The following FANCC variants were observed in gnomAD, a reference collection of about 807,000 sequenced individuals.
The protein encoded by FANCC is Fanconi anemia group C protein.
A neutral mutation model predicts 71.3 loss-of-function variants in FANCC; 55 were observed. The observed-to-expected ratio is 0.77, with a 90% confidence interval of 0.62 to 0.97. The LOEUF is 0.97. Among genes scored for constraint, FANCC ranks in the 50% least tolerant of loss-of-function variants. The probability of loss-of-function intolerance (pLI) is 0.00; values close to 1 mark genes in which losing one functional copy is unlikely to be tolerated. For missense variants in FANCC, 678 were observed against 670.9 expected (o/e 1.01, Z -0.12); for synonymous variants, 275 against 244.9 (o/e 1.12, Z -1.15).
intron 4 of FANCC, among the ~76,000 whole-genome samples, chr9:95,225,702 ATACAAT>A: frequency 6.6e-6 from 1 of 152,366 alleles, no homozygotes; most frequent in Admixed American, 6.5e-5. Flanking sequence ...AAACAATCTG[ATACAAT>A]TAGAATTATA....
intron 1 of FANCC, among the ~76,000 whole-genome samples, chr9:95,254,494 C>T (rs1434481392): frequency 6.6e-6 from 1 of 152,220 alleles, no homozygotes; most frequent in Non-Finnish European, 1.5e-5. Context: ...ACTCCCTCCC[C>T]TAACCAAGGG....
intron 3 of FANCC, among the ~76,000 whole-genome samples, chr9:95,244,293 T>G (rs1441176324): frequency 6.6e-6 from 1 of 152,232 alleles, no homozygotes; most frequent in African/African-American, 2.4e-5. Context: ...TGAGTCAGGC[T>G]GACCTGCTTA....
intron 11 of FANCC, among the ~76,000 whole-genome samples, chr9:95,115,307 C>T (rs1038331893): frequency 1.3e-5 from 2 of 152,188 alleles, no homozygotes; most frequent in African/African-American, 4.8e-5. Flanking sequence ...CCCGCTGAGA[C>T]TGGGAAATGC....
intron 4 of FANCC, among the ~76,000 whole-genome samples, chr9:95,205,034 A>G (rs1354378069): frequency 6.6e-6 from 1 of 152,238 alleles, no homozygotes; most frequent in Non-Finnish European, 1.5e-5. Context: ...TCACAAATGA[A>G]AATGACTAAA....
At chr9:95,160,884 C>G (rs7034939) in intron 6 of FANCC, among the ~76,000 whole-genome samples, 3,312 of 152,182 alleles carry the variant, frequency 0.022, 121 homozygotes, top group African/African-American at 0.076. Context: ...ATTTTGTATC[C>G]TGAGACTTTG....
chr9:95,305,164 A>G (rs1347280849), intron 1 of FANCC, among the ~76,000 whole-genome samples: 1 of 152,236 alleles, frequency 6.6e-6, no homozygotes, highest in Non-Finnish European at 1.5e-5. Context: ...TGCAATTACC[A>G]ATAAACAAGC....
chr9:95,122,661 G>A (rs1293009954), intron 10 of FANCC, among the ~76,000 whole-genome samples: 2 of 152,138 alleles, frequency 1.3e-5, no homozygotes, highest in African/African-American at 4.8e-5. Flanking sequence ...AATCCATAGT[G>A]CCCACGGCCA....
chr9:95,126,429 C>T, intron 9 of FANCC, 100 bp downstream of exon 9: 1 of 1,172,896 alleles, frequency 8.5e-7, no homozygotes, highest in East Asian at 2.5e-5. Flanking sequence ...CTCTAATTTC[C>T]CCATGATACA....
chr9:95,293,401 G>A, intron 1 of FANCC: 1 of 1,579,576 alleles, frequency 6.3e-7, no homozygotes, highest in Admixed American at 1.9e-5. Context: ...CTGATCCTCG[G>A]CCTAGATTCA....
intron 4 of FANCC, among the ~76,000 whole-genome samples, chr9:95,228,148 C>A (rs900180314): frequency 6.6e-6 from 1 of 152,074 alleles, no homozygotes; most frequent in African/African-American, 2.4e-5. Flanking sequence ...AGTAGGCACT[C>A]AGGATACAAT....
intron 4 of FANCC, among the ~76,000 whole-genome samples, chr9:95,240,326 A>G (rs1830563817): frequency 6.6e-6 from 1 of 152,252 alleles, no homozygotes; most frequent in Non-Finnish European, 1.5e-5. Flanking sequence ...TTGATAGGGA[A>G]AAACAATTTT....
intron 1 of FANCC, among the ~76,000 whole-genome samples, chr9:95,250,675 TATC>T (rs2136108630): frequency 6.6e-6 from 1 of 152,324 alleles, no homozygotes; most frequent in African/African-American, 2.4e-5. Flanking sequence ...TCATCCAAGC[TATC>T]ATCACCACCT....
chr9:95,245,026 C>T (rs1412805238), intron 3 of FANCC, among the ~76,000 whole-genome samples: 1 of 152,012 alleles, frequency 6.6e-6, no homozygotes, highest in Non-Finnish European at 1.5e-5. Flanking sequence ...GCCTCTCACA[C>T]GACATCATAA....
chr9:95,154,709 C>T (rs1302594961), intron 6 of FANCC, among the ~76,000 whole-genome samples: 1 of 152,080 alleles, frequency 6.6e-6, no homozygotes, highest in African/African-American at 2.4e-5. Flanking sequence ...CGTGCTTGCT[C>T]CAGCGGGGAG....
chr9:95,108,293 G>A (rs1180635454), intron 13 of FANCC, among the ~76,000 whole-genome samples: 1 of 152,258 alleles, frequency 6.6e-6, no homozygotes, highest in Non-Finnish European at 1.5e-5. Flanking sequence ...CGCTCCAGCA[G>A]GGCAGGCCTC....
At chr9:95,131,122 C>T (rs1021102489) in intron 8 of FANCC, among the ~76,000 whole-genome samples, 6 of 152,174 alleles carry the variant, frequency 3.9e-5, no homozygotes, top group Non-Finnish European at 7.4e-5. Flanking sequence ...CTCCATAATG[C>T]AATTATTGTT....
chr9:95,316,555 C>T (rs900806736), intron 1 of FANCC, among the ~76,000 whole-genome samples: 7 of 152,218 alleles, frequency 4.6e-5, no homozygotes, highest in African/African-American at 1.7e-4. Flanking sequence ...AATCACATCA[C>T]AGTTTAGATG....
intron 6 of FANCC, among the ~76,000 whole-genome samples, chr9:95,157,669 T>C (rs1830522776): frequency 6.6e-6 from 1 of 152,186 alleles, no homozygotes; most frequent in African/African-American, 2.4e-5. Flanking sequence ...CTGGAAAGTG[T>C]TGCGTAACTC....
At chr9:95,127,757 C>T (rs898799217) in intron 8 of FANCC, among the ~76,000 whole-genome samples, 5 of 152,236 alleles carry the variant, frequency 3.3e-5, no homozygotes, top group African/African-American at 1.2e-4. Flanking sequence ...TGCCCTGGAT[C>T]ACACTGAGGC....
Sources: gnomAD v4.1 joint callset for allele counts (sites outside exome capture counted in the v4.1 genomes callset) on GRCh38, gnomAD v4.1.1 for gene constraint, MANE v1.5 for transcripts, NCBI Gene and HGNC (gene_info 2026-07-23, HGNC 2026-07-21) for gene names.